CAMTA1: variants seen among roughly 807,000 people sequenced by gnomAD.
CAMTA1 encodes calmodulin-binding transcription activator 1.
In CAMTA1, 27 loss-of-function variants were observed where a neutral mutation model predicts 170.9. The ratio of observed to expected loss-of-function variants is 0.16; its 90% CI spans 0.12 to 0.22. The LOEUF is 0.22. Among genes scored for constraint, CAMTA1 ranks in the 10% least tolerant of loss-of-function variants. The pLI is 1.00. For synonymous variants in CAMTA1, 833 were observed against 891.5 expected (o/e 0.93, Z 1.17); for missense variants, 1,619 against 2,217.2 (o/e 0.73, Z 5.42).
At chr1:6,894,505 TC>T (rs1490497092) in intron 3 of CAMTA1, among the ~76,000 whole-genome samples, 1 of 152,216 alleles carries the variant, frequency 6.6e-6, no homozygotes, top group African/African-American at 2.4e-5. Flanking sequence ...AAGAAATCCA[TC>T]CCTCCCTTCC....
At chr1:6,798,422 GC>G (rs556278754) in intron 1 of CAMTA1, among the ~76,000 whole-genome samples, 1 of 152,076 alleles carries the variant, frequency 6.6e-6, no homozygotes, top group South Asian at 2.1e-4. Flanking sequence ...ACTGGCGGTA[GC>G]ATCAGAATTA....
rs781163086 is a variant in CAMTA1, at chr1:6,825,111, T to C, written c.135T>C (p.Asn45=). The stretch of plus-strand genomic sequence containing the variant: ...TTGTAGATGATCATGGGAACAGCAA[T>C]AGTAGTCATGTAAAAATCTTTTTAC... The part of the protein sequence containing the change: ...PPIEDDHGNS[N]SSHVKIFLPK... Residue 45 remains asparagine, a synonymous_variant, in exon 3 of 23, where the codon AAT becomes AAC. Coordinates refer to ENST00000303635, the MANE Select transcript of CAMTA1 (RefSeq NM_015215.4). The C allele has an allele frequency of 9.4e-6, 15 of 1,594,016 alleles. No homozygotes were observed. Among genetic ancestry groups the C allele is most frequent in the Admixed American group, 8.6e-5 (5 of 58,178 alleles).
rs138580213 is a variant in CAMTA1, at chr1:7,559,693, A to T, written c.511-80707A>T. Among the ~76,000 whole-genome samples, 775 of 152,206 alleles carry T rather than the reference A, an allele frequency of 5.1e-3. 8 individuals carry two copies. The highest frequency in any genetic ancestry group is 0.018 in the African/African-American group (731 of 41,544). On this transcript the variant is annotated intron_variant, in intron 6 of 22. Transcript: ENST00000303635. The stretch of plus-strand genomic sequence containing the variant: ...TGTCACAGGGTGGGCCGGAGGACAC[A>T]CGGCTCCTTGGGGTCCAGAGCTGAG...
At chr1:7,650,249 G>C (rs542394860) in intron 7 of CAMTA1, among the ~76,000 whole-genome samples, 1 of 152,212 alleles carries the variant, frequency 6.6e-6, no homozygotes, top group Non-Finnish European at 1.5e-5. Flanking sequence ...TGGTAACAAT[G>C]CCGCTTCGCA....
chr1:7,463,012 T>A lies in CAMTA1; in HGVS notation c.439-4818T>A, dbSNP rs2093127401. On this transcript the variant is annotated intron_variant, in intron 5 of 22. Transcript: ENST00000303635. This position sits in a 1 kb window ranked among gnomAD's most constrained non-coding sequence, Gnocchi z 4.7. ...TGAGCTGGACTCCAGCTGAGCGGGG[T>A]CTTCGGAGGCAGCACAGGGAGGTTG... 6.6e-6 allele frequency among the ~76,000 whole-genome samples: 1 copy of A among 151,918 alleles called. No individual in the cohort carries two copies. Among genetic ancestry groups the A allele is most frequent in the African/African-American group, 2.4e-5 (1 of 41,344 alleles).
chr1:7,628,030 C>T (rs139427901), intron 6 of CAMTA1, among the ~76,000 whole-genome samples: 1 of 152,138 alleles, frequency 6.6e-6, no homozygotes, highest in African/African-American at 2.4e-5. Flanking sequence ...ACAAAAAACT[C>T]GACTTGAACT....
rs946757805 is a variant in CAMTA1 at position 7,169,637 on chromosome 1, G to A, written c.302+78266G>A. On this transcript the variant is annotated intron_variant, in intron 4 of 22. Transcript: ENST00000303635. ...AGTGAGTCTCCTGCCTCAGCCTCCT[G>A]AGTAGCTGAGACTACAGGCATGCAC... 1.3e-5 allele frequency among the ~76,000 whole-genome samples: 2 copies of A among 152,094 alleles called. 1 individual carries two copies. Among genetic ancestry groups the A allele is most frequent in the South Asian group, 4.2e-4 (2 of 4,812 alleles).
chr1:7,499,155 AGT>A (rs1289232073), intron 6 of CAMTA1, among the ~76,000 whole-genome samples: 12 of 82,364 alleles, frequency 1.5e-4, no homozygotes, highest in African/African-American at 2.5e-4. Flanking sequence ...TACGTATATG[AGT>A]GTGTGTGTGC....
chr1:7,543,548 T>C (rs1371104557), intron 6 of CAMTA1, among the ~76,000 whole-genome samples: 1 of 152,234 alleles, frequency 6.6e-6, no homozygotes, highest in South Asian at 2.1e-4. Flanking sequence ...TTACAAAATA[T>C]AGCAGTTCCC....
At chr1:7,697,673 G>A (rs1441255545) in intron 11 of CAMTA1, among the ~76,000 whole-genome samples, 2 of 152,182 alleles carry the variant, frequency 1.3e-5, no homozygotes, top group African/African-American at 2.4e-5. Context: ...TGAGTTGAAG[G>A]TGGTTTCACT....
In CAMTA1 at chr1:7,007,202, A is replaced by G. The variant is rs544807130; in HGVS notation, c.235-84102A>G. ...GGCTGCGGCAAGGAACTGATCACATAGGATCTCACGTGGGGAGCATCGACC... is the reference window on the plus strand; with the variant it reads ...GGCTGCGGCAAGGAACTGATCACATGGGATCTCACGTGGGGAGCATCGACC... On this transcript the variant is annotated intron_variant, in intron 3 of 22. Coordinates refer to ENST00000303635, the MANE Select transcript of CAMTA1 (RefSeq NM_015215.4). This position sits in a 1 kb window ranked among gnomAD's most constrained non-coding sequence, Gnocchi z 4.5. Among the ~76,000 whole-genome samples the G allele has an allele frequency of 6.6e-6, 1 of 152,278 alleles. No individual in the cohort carries two copies. Among genetic ancestry groups the G allele is most frequent in the South Asian group, 2.1e-4 (1 of 4,826 alleles).
intron 5 of CAMTA1, among the ~76,000 whole-genome samples, chr1:7,314,872 T>G (rs1393757322): frequency 6.6e-6 from 1 of 152,206 alleles, no homozygotes; most frequent in Non-Finnish European, 1.5e-5. Flanking sequence ...AGAAACAGCC[T>G]CTGACCACCA....
intron 5 of CAMTA1, among the ~76,000 whole-genome samples, chr1:7,270,240 TACATACACACAC>T (rs1269968298): frequency 9.4e-5 from 7 of 74,308 alleles, no homozygotes; most frequent in African/African-American, 2.0e-4. Context: ...TACACATATA[TACATACACACAC>T]ACACACACAC....
chr1:7,610,238 G>A (rs182876851), intron 6 of CAMTA1, among the ~76,000 whole-genome samples: 11 of 152,330 alleles, frequency 7.2e-5, no homozygotes, highest in Admixed American at 5.9e-4. Context: ...TTAAAGGCAA[G>A]GCTCAGCGAG....
At chr1:6,923,717 C>T (rs796903865) in intron 3 of CAMTA1, among the ~76,000 whole-genome samples, 1 of 152,198 alleles carries the variant, frequency 6.6e-6, no homozygotes, top group African/African-American at 2.4e-5. Context: ...TGACCAATGT[C>T]CTAGATCCTC....
At chr1:7,416,183 G>A (rs1460095702) in intron 5 of CAMTA1, among the ~76,000 whole-genome samples, 1 of 152,082 alleles carries the variant, frequency 6.6e-6, no homozygotes, top group Non-Finnish European at 1.5e-5. Flanking sequence ...CTCTCTGGCT[G>A]CCCTTAATAT....
intron 6 of CAMTA1, among the ~76,000 whole-genome samples, chr1:7,489,083 C>T (rs1208502399): frequency 1.3e-5 from 2 of 152,214 alleles, no homozygotes; most frequent in Non-Finnish European, 2.9e-5. Context: ...CAGTCACCTT[C>T]GGCAACAGCT....
chr1:7,746,178 T>C, intron 18 of CAMTA1, 87 bp downstream of exon 18: 1 of 1,463,210 alleles, frequency 6.8e-7, no homozygotes, highest in South Asian at 1.3e-5. Context: ...CAAAAACATT[T>C]ACTATTTCTT....
rs147131081 is a variant in CAMTA1 at position 7,295,150 on chromosome 1, T to C, written c.438+45524T>C. On this transcript the variant is annotated intron_variant, in intron 5 of 22. Transcript: ENST00000303635. ...GTTATGTAACCTTCTGGCTTTGGGG[T>C]TTTTTTTGTTGTAAACAGGGACCCT... 3.6e-3 allele frequency among the ~76,000 whole-genome samples: 543 copies of C among 151,962 alleles called. 8 individuals carry two copies. The highest frequency in any genetic ancestry group is 0.024 in the Admixed American group (368 of 15,272).
Sources: allele counts gnomAD v4.1 joint callset (sites outside exome capture counted in the v4.1 genomes callset), GRCh38; gene constraint gnomAD v4.1.1; non-coding constraint Gnocchi (gnomAD v3.1); transcripts MANE v1.5; gene names NCBI Gene and HGNC (gene_info 2026-07-23, HGNC 2026-07-21).